The following CPS1 variants were observed in gnomAD, a reference collection of about 807,000 sequenced individuals.
The protein encoded by CPS1 is carbamoyl-phosphate synthase 1, also known as carbamoyl-phosphate synthase [ammonia], mitochondrial.
CPS1 carries 109 observed loss-of-function variants against 174.6 expected under a neutral mutation model. The ratio of observed to expected loss-of-function variants is 0.62; its 90% CI spans 0.53 to 0.73. The LOEUF is 0.73. Among genes scored for constraint, CPS1 ranks in the 30% least tolerant of loss-of-function variants. CPS1 has a pLI of 0.00. For missense variants in CPS1, 1,689 were observed against 1,821.9 expected (o/e 0.93, Z 1.33); for synonymous variants, 637 against 632.0 (o/e 1.01, Z -0.12).
intron 27 of CPS1, among the ~76,000 whole-genome samples, chr2:210,649,012 C>A (rs1700477367): frequency 6.6e-6 from 1 of 152,146 alleles, no homozygotes; most frequent in African/African-American, 2.4e-5. Flanking sequence ...CAGTGAGGAT[C>A]TTTTATATTA....
At chr2:210,545,081 G>C (rs1696526099) in intron 1 of CPS1, among the ~76,000 whole-genome samples, 1 of 151,978 alleles carries the variant, frequency 6.6e-6, no homozygotes, top group Admixed American at 6.6e-5. Flanking sequence ...CAAGGGAGTG[G>C]AGTAGTTCTT....
chr2:210,502,386 T>A (rs914795051), intron 1 of CPS1, among the ~76,000 whole-genome samples: 2 of 146,702 alleles, frequency 1.4e-5, no homozygotes, highest in Admixed American at 6.9e-5. Context: ...TATATTTTTT[T>A]ATATATATGT....
At chr2:210,659,777 A>C (rs1017806860) in intron 31 of CPS1, among the ~76,000 whole-genome samples, 1 of 152,224 alleles carries the variant, frequency 6.6e-6, no homozygotes, top group African/African-American at 2.4e-5. Flanking sequence ...GGATGTACAA[A>C]TAAAATGGTA....
At chr2:210,614,356 A>G (rs1699232054) in intron 20 of CPS1, among the ~76,000 whole-genome samples, 1 of 151,850 alleles carries the variant, frequency 6.6e-6, no homozygotes, top group Admixed American at 6.6e-5. Context: ...GCTGCAATAA[A>G]CATACGTGTG....
chr2:210,634,737 T>A (rs1288652885), intron 21 of CPS1, among the ~76,000 whole-genome samples: 1 of 152,168 alleles, frequency 6.6e-6, no homozygotes, highest in South Asian at 2.1e-4. Flanking sequence ...TCATCTTCCA[T>A]CATTAATACA....
chr2:210,512,736 T>TTATATATA (rs71043996), intron 1 of CPS1, among the ~76,000 whole-genome samples: 45 of 46,722 alleles, frequency 9.6e-4, no homozygotes, highest in East Asian at 1.5e-3. Flanking sequence ...TCCAGTAGTT[T>TTATATATA]TATATATATA....
At chr2:210,534,799 T>C (rs1404433734) in intron 1 of CPS1, among the ~76,000 whole-genome samples, 3 of 152,230 alleles carry the variant, frequency 2.0e-5, no homozygotes, top group African/African-American at 7.2e-5. Context: ...TTCTACGTTC[T>C]CTTCCTGGTC....
intron 11 of CPS1, chr2:210,593,818 A>G (rs1447525903): frequency 1.1e-5 from 3 of 275,086 alleles, no homozygotes; most frequent in African/African-American, 6.9e-5. Flanking sequence ...CAAAATCAGT[A>G]TTATATTACC....
intron 1 of CPS1, among the ~76,000 whole-genome samples, chr2:210,514,544 T>C (rs920035701): frequency 7.2e-5 from 11 of 151,968 alleles, no homozygotes; most frequent in East Asian, 1.9e-4. Context: ...TGTGAAACTT[T>C]ACTGAAAGTG....
chr2:210,492,298 G>A (rs1487577847), intron 1 of CPS1, among the ~76,000 whole-genome samples: 4 of 152,304 alleles, frequency 2.6e-5, no homozygotes, highest in African/African-American at 9.6e-5. Flanking sequence ...GTTCCAAAAT[G>A]TTAAGTTAAT....
intron 33 of CPS1, among the ~76,000 whole-genome samples, chr2:210,663,730 G>A (rs916998516): frequency 6.6e-6 from 1 of 152,164 alleles, no homozygotes; most frequent in African/African-American, 2.4e-5. Context: ...CTCTTCACTT[G>A]TGTTGGGGCT....
At chr2:210,545,342 C>G (rs552567948) in intron 1 of CPS1, among the ~76,000 whole-genome samples, 2 of 151,994 alleles carry the variant, frequency 1.3e-5, no homozygotes, top group African/African-American at 4.8e-5. Context: ...ATAAGGAGTT[C>G]TGGAGAAATT....
At chr2:210,494,859 A>T (rs1429315977) in intron 1 of CPS1, among the ~76,000 whole-genome samples, 2 of 152,146 alleles carry the variant, frequency 1.3e-5, no homozygotes, top group Non-Finnish European at 2.9e-5. Flanking sequence ...CTGGTTCTCT[A>T]TGAGGCTCAA....
At chr2:210,627,391 A>G (rs920518310) in intron 21 of CPS1, among the ~76,000 whole-genome samples, 1 of 152,108 alleles carries the variant, frequency 6.6e-6, no homozygotes, top group Non-Finnish European at 1.5e-5. Context: ...CTTGCCTTCC[A>G]TGTTTAGGGA....
At chr2:210,562,914 A>G (rs1697152877) in intron 1 of CPS1, among the ~76,000 whole-genome samples, 1 of 145,920 alleles carries the variant, frequency 6.9e-6, no homozygotes, top group South Asian at 2.2e-4. Context: ...TTGCTGAATT[A>G]GCTTAAGGCT....
chr2:210,639,385 G>T (rs1278201827), intron 23 of CPS1, among the ~76,000 whole-genome samples, 170 bp downstream of exon 23: 1 of 151,736 alleles, frequency 6.6e-6, no homozygotes, highest in Non-Finnish European at 1.5e-5. Flanking sequence ...GGCCGAGGCG[G>T]GTGGATCATG....
chr2:210,640,794 T>C (rs1700198232), intron 24 of CPS1, among the ~76,000 whole-genome samples: 1 of 152,250 alleles, frequency 6.6e-6, no homozygotes, highest in Admixed American at 6.5e-5. Context: ...AACTAAGAGC[T>C]TCAGGATATG....
At chr2:210,675,621 A>T (rs1011245533) in intron 35 of CPS1, 107 bp from the exon 36 acceptor site, 89 of 725,334 alleles carry the variant, frequency 1.2e-4, no homozygotes, top group Non-Finnish European at 5.9e-5. Flanking sequence ...GCACTATACT[A>T]CTTCTCATGT....
chr2:210,561,935 C>T (rs1353088543), intron 1 of CPS1, among the ~76,000 whole-genome samples: 8 of 152,132 alleles, frequency 5.3e-5, no homozygotes, highest in Admixed American at 4.6e-4. Flanking sequence ...AGGGTTGCTA[C>T]ATTATGAAAG....
Sources: gnomAD v4.1 joint callset for allele counts (sites outside exome capture counted in the v4.1 genomes callset) on GRCh38, gnomAD v4.1.1 for gene constraint, MANE v1.5 for transcripts, NCBI Gene and HGNC (gene_info 2026-07-23, HGNC 2026-07-21) for gene names.